The following RND1 variants were observed in gnomAD, a reference collection of about 807,000 sequenced individuals.
RND1 encodes Rho family GTPase 1.
In RND1, 9 loss-of-function variants were observed where a neutral mutation model predicts 27.1. The ratio of observed to expected loss-of-function variants is 0.33; its 90% CI spans 0.20 to 0.58. The LOEUF is 0.58. RND1 is among the 20% of genes least tolerant of loss of function. RND1 has a pLI of 0.86. For missense variants in RND1, 253 were observed against 292.2 expected (o/e 0.87, Z 0.98); for synonymous variants, 108 against 115.7 (o/e 0.93, Z 0.43).
chr12:48,865,535 CGGCTGAGGATG>C lies in RND1; in HGVS notation c.120+102_120+112del. 2.4e-6 allele frequency: 3 copies of C among 1,241,958 alleles called. No homozygotes were observed. The African/African-American group carries it at 4.4e-5, about 18-fold the overall frequency. The allele number at this position is 1,241,958 out of a possible 1,614,324, so 76.9% of individuals were successfully genotyped here. A position where few individuals can be genotyped will look rare whatever the true frequency, so the allele number is the denominator to read the frequency against. ...CTGAGGATGGTAAAGCCTCAGAAAG[CGGCTGAGGATG>C]GGCTGGGGCTGGGGGAGCCACGTCT... On this transcript the variant is annotated intron_variant, in intron 1 of 4. Coordinates refer to ENST00000309739, the MANE Select transcript of RND1 (RefSeq NM_014470.4).
intron 4 of RND1, 33 bp from the exon 5 acceptor site, chr12:48,858,274 G>A: frequency 6.2e-7 from 1 of 1,602,710 alleles, no homozygotes; most frequent in Admixed American, 1.7e-5. Flanking sequence ...TAATGCAGTG[G>A]GCCAAAATGG....
chr12:48,857,905 A>G lies in RND1; in HGVS notation c.*91T>C. 6.2e-6 allele frequency: 9 copies of G among 1,461,598 alleles called. 1 individual carries two copies. The South Asian group carries it at 1.3e-4, about 21-fold the overall frequency. 90.5% of individuals were successfully genotyped at this position (1,461,598 alleles called of 1,614,324 possible). On this transcript the variant is annotated 3_prime_UTR_variant, in exon 5 of 5. Coordinates refer to ENST00000309739, the MANE Select transcript of RND1 (RefSeq NM_014470.4). ...GTGGCCATCTGAAAAACTCATGTCC[A>G]GTGTCCTAAATTGTCTCATCCTCCC...
In RND1 at chr12:48,861,282, G is replaced by A. The variant is rs1016883320; in HGVS notation, c.319-151C>T. The A allele has an allele frequency of 1.4e-5, 12 of 830,606 alleles. No individual in the cohort carries two copies. The South Asian group carries it at 1.4e-4, about 10-fold the overall frequency. The allele number at this position is 830,606 out of a possible 1,614,324, so 51.5% of individuals were successfully genotyped here. Reference sequence around the variant, plus strand: ...CCTCCCTCTGAGTCACAGCATCACCGTTGCACTAATTACATCATTTTCCTG... The same window carrying A: ...CCTCCCTCTGAGTCACAGCATCACCATTGCACTAATTACATCATTTTCCTG... On this transcript the variant is annotated intron_variant, in intron 3 of 4. Transcript: ENST00000309739.
rs1479194727 is a variant in RND1, at chr12:48,857,240, T to G, written c.*756A>C. ...TGAAACACTCCCCCCCTCCCCCCAA[T>G]TCCAAAGACAAGAGTCTATAAAACA... On this transcript the variant is annotated 3_prime_UTR_variant, in exon 5 of 5. Transcript: ENST00000309739. The G allele has an allele frequency of 3.7e-5, 3 of 82,152 alleles. No homozygotes were observed. Among genetic ancestry groups the G allele is most frequent in the South Asian group, 4.5e-4 (1 of 2,240 alleles). 5.1% of individuals were successfully genotyped at this position (82,152 alleles called of 1,614,324 possible). A position where few individuals can be genotyped will look rare whatever the true frequency, so the allele number is the denominator to read the frequency against.
rs765113503 is a variant in RND1 at position 48,865,757 on chromosome 12, C to T, written c.11G>A (p.Arg4Lys). 1.4e-5 allele frequency: 22 copies of T among 1,602,496 alleles called. No homozygotes were observed. Among genetic ancestry groups the T allele is most frequent in the Admixed American group, 8.4e-5 (5 of 59,574 alleles). MKE[R>K]RAPQPVVARC... ...GGCCACGACTGGCTGGGGGGCCCGT[C>T]TCTCCTTCATGGTTGCAGTGTCCGC... The change falls in exon 1 of 5, where the codon AGA (arginine) becomes AAA (lysine). Residue 4 changes from arginine (R) to lysine (K), a missense_variant. Arg to Lys is a conservative substitution (Grantham distance 26). Transcript: ENST00000309739.
chr12:48,865,462 A>G, intron 1 of RND1, 186 bp downstream of exon 1: 1 of 651,584 alleles, frequency 1.5e-6, no homozygotes, highest in South Asian at 1.8e-5. Flanking sequence ...GAAGTGGAAC[A>G]GGTCTCAGGG....
intron 1 of RND1, 108 bp downstream of exon 1, chr12:48,865,540 G>C: frequency 7.6e-7 from 1 of 1,314,696 alleles, no homozygotes; most frequent in African/African-American, 1.5e-5. Flanking sequence ...GAAAGCGGCT[G>C]AGGATGGGCT....
At chr12:48,861,155 G>A (rs1364891168) in intron 3 of RND1, 24 bp from the exon 4 acceptor site, 3 of 1,586,036 alleles carry the variant, frequency 1.9e-6, no homozygotes, top group Non-Finnish European at 2.6e-6. Flanking sequence ...CAGGAAGAAG[G>A]GTAGGAGAAG....
rs774774194 is a variant in RND1 at position 48,858,032 on chromosome 12, G to T, written c.663C>A (p.Phe221Leu). The T allele has an allele frequency of 6.2e-7, 1 of 1,608,986 alleles. No homozygotes were observed. Among genetic ancestry groups the T allele is most frequent in the East Asian group, 2.2e-5 (1 of 44,822 alleles). ...PSRSELISST[F>L]KKEKAKSCSI... is the part of the protein sequence containing the mutation. ...AACAGCTTTTGGCCTTTTCCTTCTT[G>T]AAGGTAGAAGAGATGAGTTCAGAGC... is the stretch of plus-strand genomic sequence containing the variant. The change falls in exon 5 of 5, where the codon TTC becomes TTA. Residue 221 changes from phenylalanine to leucine, a missense_variant. Transcript: ENST00000309739.
intron 4 of RND1, 149 bp downstream of exon 4, chr12:48,860,848 C>A: frequency 9.2e-7 from 1 of 1,091,036 alleles, no homozygotes; most frequent in Non-Finnish European, 1.4e-6. Flanking sequence ...CAGGTGCCCA[C>A]CACCTCTCTC....
At chr12:48,864,416 T>TGTGTGTGC (rs141121524) in intron 2 of RND1, among the ~76,000 whole-genome samples, 30 of 135,558 alleles carry the variant, frequency 2.2e-4, no homozygotes, top group African/African-American at 7.6e-4. Flanking sequence ...TGTGTGTGTG[T>TGTGTGTGC]GCGCGCGCGC....
chr12:48,865,292 C>T (rs1163905402), intron 1 of RND1: 3 of 387,362 alleles, frequency 7.7e-6, no homozygotes, highest in Non-Finnish European at 1.5e-5. Context: ...CTTTGAGGAG[C>T]AGGTGAGCGG....
chr12:48,864,704 G>T, intron 2 of RND1, 79 bp downstream of exon 2: 1 of 1,108,218 alleles, frequency 9.0e-7, no homozygotes. Flanking sequence ...CACCAAAGGG[G>T]AAAACAATTT....
At chr12:48,860,104 C>T (rs1671532871) in intron 4 of RND1, among the ~76,000 whole-genome samples, 1 of 127,856 alleles carries the variant, frequency 7.8e-6, no homozygotes, top group Admixed American at 9.1e-5. Flanking sequence ...TTCCTTGAGA[C>T]AGAGTCTCTC....
chr12:48,865,661 T>C lies in RND1; in HGVS notation c.107A>G (p.Asp36Gly). ...KTAMLQVLAK[D>G]CYPETYVPTV... Reference sequence around the variant, plus strand: ...CGGGCAGCTCACCTCTGGATAGCAATCCTTCGCTAACACTTGCAACATCGC... The same window carrying C: ...CGGGCAGCTCACCTCTGGATAGCAACCCTTCGCTAACACTTGCAACATCGC... Residue 36 changes from aspartate to glycine, a missense_variant, in exon 1 of 5, where the codon GAT (aspartate) becomes GGT (glycine). Asp to Gly is a moderately conservative substitution (Grantham distance 94). Transcript: ENST00000309739. 6.2e-7 allele frequency: 1 copy of C among 1,613,720 alleles called. No individual in the cohort carries two copies. Among genetic ancestry groups the C allele is most frequent in the Non-Finnish European group, 8.5e-7 (1 of 1,179,866 alleles).
At chr12:48,865,604 C>A in intron 1 of RND1, 44 bp downstream of exon 1, 2 of 1,577,580 alleles carry the variant, frequency 1.3e-6, no homozygotes, top group Non-Finnish European at 8.6e-7. Context: ...CCAAGGCGGG[C>A]AGGCAGGGAG....
chr12:48,864,521 G>A (rs1027915070), intron 2 of RND1, among the ~76,000 whole-genome samples: 5 of 151,776 alleles, frequency 3.3e-5, no homozygotes, highest in African/African-American at 1.2e-4. Context: ...GACTATTCAT[G>A]GGTCCCTTCA....
In RND1 at chr12:48,858,048, A is replaced by G; in HGVS notation, c.647T>C (p.Leu216Pro). ...RLLHLPSRSELISSTFKKEKA... is the reference protein window; with the variant it reads ...RLLHLPSRSEPISSTFKKEKA... ...TTCCTTCTTGAAGGTAGAAGAGATGAGTTCAGAGCGACTGGGGAGGTGGAG... is the reference window on the plus strand; with the variant it reads ...TTCCTTCTTGAAGGTAGAAGAGATGGGTTCAGAGCGACTGGGGAGGTGGAG... Residue 216 changes from leucine (L) to proline (P), a missense_variant, in exon 5 of 5, where the codon CTC (leucine) becomes CCC (proline). Coordinates refer to ENST00000309739, the MANE Select transcript of RND1 (RefSeq NM_014470.4). 6.2e-7 allele frequency: 1 copy of G among 1,613,526 alleles called. No individual in the cohort carries two copies. Among genetic ancestry groups the G allele is most frequent in the South Asian group, 1.1e-5 (1 of 90,988 alleles).
At chr12:48,864,416 T>TGTGCGC (rs141121524) in intron 2 of RND1, among the ~76,000 whole-genome samples, 10,501 of 135,286 alleles carry the variant, frequency 0.078, 517 homozygotes, top group Non-Finnish European at 0.12. Context: ...TGTGTGTGTG[T>TGTGCGC]GCGCGCGCGC....
Sources: gnomAD v4.1 joint callset for allele counts (sites outside exome capture counted in the v4.1 genomes callset) on GRCh38, gnomAD v4.1.1 for gene constraint, MANE v1.5 for transcripts, NCBI Gene and HGNC (gene_info 2026-07-23, HGNC 2026-07-21) for gene names.